The following STXBP5L variants were observed in gnomAD, a reference collection of about 807,000 sequenced individuals.
STXBP5L encodes syntaxin-binding protein 5-like.
A neutral mutation model predicts 144.5 loss-of-function variants in STXBP5L; 65 were observed. That is an observed-to-expected ratio of 0.45 (90% CI 0.37 to 0.55). The LOEUF (loss-of-function observed/expected upper bound fraction) is 0.55, where lower values mean the gene tolerates loss of function less well. STXBP5L is among the 20% of genes least tolerant of loss of function. The probability of loss-of-function intolerance (pLI) is 0.00; values close to 1 mark genes in which losing one functional copy is unlikely to be tolerated. For missense variants in STXBP5L, 1,298 were observed against 1,405.5 expected, an observed-to-expected ratio of 0.92 and a Z score of 1.22; for synonymous variants, 505 against 469.6, an observed-to-expected ratio of 1.08 and a Z score of -0.97.
In STXBP5L at chr3:121,419,193, C is replaced by A; in HGVS notation, c.*96C>A. ...CTCAACTGCTAGAAGCCAGTTTCTT[C>A]TACAAAATGTTCCATTTACAGTCAA... On this transcript the variant is annotated 3_prime_UTR_variant, in exon 27 of 27. Coordinates refer to ENST00000471454, the MANE Select transcript of STXBP5L (RefSeq NM_001308330.2). The A allele has an allele frequency of 8.3e-7, 1 of 1,209,206 alleles. No individual in the cohort carries two copies. The highest frequency in any genetic ancestry group is 1.2e-6 in the Non-Finnish European group (1 of 855,092). 74.9% of individuals were successfully genotyped at this position (1,209,206 alleles called of 1,614,324 possible).
chr3:121,396,022 G>C (rs961406067), intron 22 of STXBP5L, among the ~76,000 whole-genome samples: 6 of 152,238 alleles, frequency 3.9e-5, no homozygotes, highest in Non-Finnish European at 8.8e-5. Context: ...AGAAACACAA[G>C]CATAACGTCT....
At chr3:121,184,500 A>G (rs1181022124) in intron 9 of STXBP5L, among the ~76,000 whole-genome samples, 1 of 151,814 alleles carries the variant, frequency 6.6e-6, no homozygotes, top group African/African-American at 2.4e-5. Context: ...TAAAGTGTGA[A>G]GACAAGATTA....
intron 3 of STXBP5L, among the ~76,000 whole-genome samples, chr3:121,014,130 G>A (rs1409926305): frequency 6.6e-6 from 1 of 151,714 alleles, no homozygotes; most frequent in Non-Finnish European, 1.5e-5. Context: ...GGCTCTTTTG[G>A]TTCCATGTGA....
chr3:121,076,782 C>G (rs1467854997), intron 5 of STXBP5L, among the ~76,000 whole-genome samples: 1 of 152,172 alleles, frequency 6.6e-6, no homozygotes, highest in Non-Finnish European at 1.5e-5. Flanking sequence ...AGCATGCACT[C>G]CAGTGGAGTA....
chr3:121,114,857 G>A (rs1020522582), intron 5 of STXBP5L, 68 bp from the exon 6 acceptor site: 3 of 1,133,904 alleles, frequency 2.6e-6, no homozygotes, highest in African/African-American at 3.2e-5. Flanking sequence ...CATAATACAT[G>A]TAAGGAAAAT....
chr3:121,406,729 T>C (rs73191760), intron 22 of STXBP5L, among the ~76,000 whole-genome samples: 5,410 of 152,168 alleles, frequency 0.036, 143 homozygotes, highest in Middle Eastern at 0.082. Context: ...TTGTTTGATT[T>C]TGAAGAAAAA....
chr3:121,048,612 A>G (rs1303992289), intron 5 of STXBP5L, among the ~76,000 whole-genome samples: 2 of 151,608 alleles, frequency 1.3e-5, no homozygotes, highest in Admixed American at 6.6e-5. Context: ...AACTTGGTCT[A>G]TTCTTCTGTT....
intron 2 of STXBP5L, among the ~76,000 whole-genome samples, chr3:120,913,848 G>A (rs1391532662): frequency 5.9e-5 from 9 of 151,980 alleles, no homozygotes; most frequent in Admixed American, 5.9e-4. Context: ...CCCATTGAAG[G>A]CAGTCAAATA....
intron 3 of STXBP5L, among the ~76,000 whole-genome samples, chr3:121,036,935 A>T (rs1275943204): frequency 1.3e-5 from 2 of 151,764 alleles, no homozygotes; most frequent in Admixed American, 6.6e-5. Context: ...TTAAAAATAT[A>T]TATTTTTTAG....
chr3:120,993,957 T>C (rs1943136628), intron 3 of STXBP5L, among the ~76,000 whole-genome samples: 2 of 152,100 alleles, frequency 1.3e-5, no homozygotes, highest in African/African-American at 2.4e-5. Context: ...TCTGTTTGTG[T>C]CCTCTTAAAT....
intron 1 of STXBP5L, among the ~76,000 whole-genome samples, 155 bp from the exon 2 acceptor site, chr3:120,909,416 A>C (rs910427600): frequency 6.6e-6 from 1 of 152,192 alleles, no homozygotes; most frequent in Non-Finnish European, 1.5e-5. Context: ...AAATTTGGCA[A>C]AACGAATCCT....
At chr3:121,249,865 C>T (rs2049976816) in intron 14 of STXBP5L, among the ~76,000 whole-genome samples, 1 of 151,914 alleles carries the variant, frequency 6.6e-6, no homozygotes, top group South Asian at 2.1e-4. Context: ...TAGAAATTTC[C>T]TGTGTTCCTA....
chr3:121,389,088 G>C (rs1312731221), intron 22 of STXBP5L, among the ~76,000 whole-genome samples: 1 of 152,212 alleles, frequency 6.6e-6, no homozygotes, highest in Non-Finnish European at 1.5e-5. Context: ...GGTCTATTCA[G>C]AGATTCAACT....
intron 5 of STXBP5L, among the ~76,000 whole-genome samples, chr3:121,098,275 G>C (rs2043231860): frequency 6.6e-6 from 1 of 152,114 alleles, no homozygotes. Context: ...ATCTGCTTCT[G>C]GTGAGCACCT....
intron 5 of STXBP5L, among the ~76,000 whole-genome samples, chr3:121,105,867 A>G (rs2043678322): frequency 6.6e-6 from 1 of 152,086 alleles, no homozygotes; most frequent in Admixed American, 6.6e-5. Context: ...TTAATTTGGA[A>G]TTTTTGTTTT....
intron 19 of STXBP5L, among the ~76,000 whole-genome samples, chr3:121,294,842 A>T (rs2051585269): frequency 6.6e-6 from 1 of 152,194 alleles, no homozygotes; most frequent in Non-Finnish European, 1.5e-5. Flanking sequence ...ACTCCATCAG[A>T]TGCTACAGAT....
At chr3:121,339,205 A>G (rs1380991770) in intron 20 of STXBP5L, among the ~76,000 whole-genome samples, 1 of 152,188 alleles carries the variant, frequency 6.6e-6, no homozygotes, top group Non-Finnish European at 1.5e-5. Context: ...ACAGCACATC[A>G]AAAAGGTAAT....
At chr3:121,338,460 A>T (rs1576211896) in intron 20 of STXBP5L, among the ~76,000 whole-genome samples, 1 of 152,010 alleles carries the variant, frequency 6.6e-6, no homozygotes, top group African/African-American at 2.4e-5. Context: ...CCTAGCCAAC[A>T]TGATGAAACC....
At chr3:121,393,093 A>G (rs1001384624) in intron 22 of STXBP5L, among the ~76,000 whole-genome samples, 1 of 151,118 alleles carries the variant, frequency 6.6e-6, no homozygotes, top group East Asian at 1.9e-4. Flanking sequence ...GCCAAAGTCT[A>G]TTTTTTTATT....
Sources: gnomAD v4.1 joint callset for allele counts (sites outside exome capture counted in the v4.1 genomes callset) on GRCh38, gnomAD v4.1.1 for gene constraint, MANE v1.5 for transcripts, NCBI Gene and HGNC (gene_info 2026-07-23, HGNC 2026-07-21) for gene names.